The following PCSK5 variants were observed in gnomAD, a reference collection of about 807,000 sequenced individuals.
PCSK5 encodes prohormone convertase 5.
In PCSK5, 129 loss-of-function variants were observed where a neutral mutation model predicts 233.2. The observed-to-expected ratio is 0.55, with a 90% CI of 0.48 to 0.64. The LOEUF (loss-of-function observed/expected upper bound fraction) is 0.64, where lower values mean the gene tolerates loss of function less well. PCSK5 is among the 30% of genes least tolerant of loss of function. The probability of loss-of-function intolerance (pLI) is 0.00; values close to 1 mark genes in which losing one functional copy is unlikely to be tolerated. For synonymous variants in PCSK5, 825 were observed against 879.2 expected, an observed-to-expected ratio of 0.94 and a Z score of 1.09; for missense variants, 2,076 against 2,430.1, an observed-to-expected ratio of 0.85 and a Z score of 3.06.
intron 10 of PCSK5, among the ~76,000 whole-genome samples, chr9:76,151,340 C>T (rs1484379697): frequency 6.6e-6 from 1 of 152,196 alleles, no homozygotes; most frequent in African/African-American, 2.4e-5. Context: ...ACCTTTTATT[C>T]TGGTGGTTTA....
intron 5 of PCSK5, among the ~76,000 whole-genome samples, chr9:76,061,782 T>C (rs1830038354): frequency 6.6e-6 from 1 of 152,190 alleles, no homozygotes; most frequent in South Asian, 2.1e-4. Context: ...GTAATAGATA[T>C]CCCAATTACA....
At chr9:76,265,639 C>T (rs948133809) in intron 24 of PCSK5, among the ~76,000 whole-genome samples, 2 of 152,040 alleles carry the variant, frequency 1.3e-5, no homozygotes, top group African/African-American at 4.8e-5. Context: ...TTGAAACTTT[C>T]TGAAGAATGA....
intron 7 of PCSK5, among the ~76,000 whole-genome samples, chr9:76,091,188 T>C (rs1286089322): frequency 1.3e-5 from 2 of 152,294 alleles, no homozygotes; most frequent in East Asian, 1.9e-4. Flanking sequence ...TATTTTCTTA[T>C]AGTTCTGGAG....
At chr9:75,986,820 C>A (rs926990687) in intron 3 of PCSK5, among the ~76,000 whole-genome samples, 1 of 152,182 alleles carries the variant, frequency 6.6e-6, no homozygotes, top group Admixed American at 6.5e-5. Context: ...AGGAAACCTA[C>A]TTAACATGTT....
rs1035660912 is a variant in PCSK5 at position 75,916,576 on chromosome 9, C to T, written c.193-15803C>T. On this transcript the variant is annotated intron_variant, in intron 1 of 37. Transcript: ENST00000674117. ...GATATTTGAGCTAAGATCCAAAAAA[C>T]GAGAAGGAAGTAAGAGGCAAGAGAT... 1.1e-4 allele frequency among the ~76,000 whole-genome samples: 17 copies of T among 151,780 alleles called. 1 individual carries two copies. Among genetic ancestry groups the T allele is most frequent in the Admixed American group, 9.2e-4 (14 of 15,246 alleles).
intron 2 of PCSK5, among the ~76,000 whole-genome samples, chr9:75,934,337 G>C (rs769837676): frequency 2.8e-4 from 42 of 152,298 alleles, no homozygotes; most frequent in Middle Eastern, 6.8e-3. Flanking sequence ...TGCAGAGAGA[G>C]AGCCACAAAT....
chr9:76,233,577 C>A lies in PCSK5; in HGVS notation c.2847C>A (p.His949Gln), dbSNP rs748263945. 5.0e-6 allele frequency: 8 copies of A among 1,610,778 alleles called. No individual in the cohort carries two copies. Among genetic ancestry groups the A allele is most frequent in the Non-Finnish European group, 6.8e-6 (8 of 1,179,778 alleles). The change falls in exon 22 of 38, where the codon CAC (histidine) becomes CAA (glutamine). Residue 949 changes from histidine to glutamine, a missense_variant. Coordinates refer to ENST00000674117, the MANE Select transcript of PCSK5 (RefSeq NM_001372043.1). ...GATGCCAAGGAAGTGGCCCTACCCA[C>A]TGCACCTCCTGTGGAGCAGGTGAGA... Reference protein sequence around the residue: ...CQRCQGSGPTHCTSCGADNYG... With the variant: ...CQRCQGSGPTQCTSCGADNYG...
At chr9:75,947,026 A>G (rs1824607406) in intron 2 of PCSK5, among the ~76,000 whole-genome samples, 1 of 152,220 alleles carries the variant, frequency 6.6e-6, no homozygotes, top group Non-Finnish European at 1.5e-5. Context: ...CTATTCAGCT[A>G]TGCATATAAT....
intron 28 of PCSK5, among the ~76,000 whole-genome samples, chr9:76,304,497 T>A (rs1828715318): frequency 6.6e-6 from 1 of 152,168 alleles, no homozygotes. Flanking sequence ...CAGGAGAGAA[T>A]CAACAGGAAG....
intron 2 of PCSK5, among the ~76,000 whole-genome samples, chr9:75,953,686 A>G (rs1447485363): frequency 6.6e-6 from 1 of 152,006 alleles, no homozygotes; most frequent in Non-Finnish European, 1.5e-5. Context: ...GCAGATTTAC[A>G]GTAGAGTTAG....
chr9:76,112,534 A>G (rs1832264077), intron 9 of PCSK5, among the ~76,000 whole-genome samples: 1 of 152,146 alleles, frequency 6.6e-6, no homozygotes, highest in Non-Finnish European at 1.5e-5. Flanking sequence ...AGGTAGGCTC[A>G]CCTACTTTCT....
intron 24 of PCSK5, among the ~76,000 whole-genome samples, chr9:76,282,147 T>TTC (rs1827894461): frequency 5.2e-5 from 7 of 135,294 alleles, no homozygotes; most frequent in South Asian, 2.4e-4. Flanking sequence ...TTTTTTTTTT[T>TTC]CGCTCTGTTG....
At chr9:76,145,084 CG>C (rs1237337351) in intron 10 of PCSK5, among the ~76,000 whole-genome samples, 5 of 152,118 alleles carry the variant, frequency 3.3e-5, no homozygotes, top group Middle Eastern at 3.4e-3. Context: ...AAGATTGTGC[CG>C]CTGCACTCCA....
At chr9:76,110,585 A>G (rs1280786514) in intron 9 of PCSK5, among the ~76,000 whole-genome samples, 1 of 152,098 alleles carries the variant, frequency 6.6e-6, no homozygotes, top group East Asian at 1.9e-4. Context: ...AGTCCTAGCT[A>G]CTCAGGGGGC....
intron 18 of PCSK5, 33 bp downstream of exon 18, chr9:76,188,708 G>T: frequency 6.5e-7 from 1 of 1,530,768 alleles, no homozygotes; most frequent in Non-Finnish European, 9.0e-7. Flanking sequence ...TTATTCTCCC[G>T]GTTCTGGTTT....
chr9:76,161,444 C>CTTT lies in PCSK5; in HGVS notation c.1619+2284_1619+2286dup, dbSNP rs57216482. ...AGCTAGGGAAGGCCTTTATTTCTTGCTTTTTTTTTTTTTCTTTACCATTAT... is the reference window on the plus strand; with the variant it reads ...AGCTAGGGAAGGCCTTTATTTCTTGCTTTTTTTTTTTTTTTTCTTTACCATTAT... On this transcript the variant is annotated intron_variant, in intron 12 of 37. Transcript: ENST00000674117. 6.2e-4 allele frequency among the ~76,000 whole-genome samples: 91 copies of CTTT among 146,558 alleles called. 1 individual carries two copies. The highest frequency in any genetic ancestry group is 3.6e-3 in the Middle Eastern group (1 of 276).
chr9:76,347,076 A>ATTT (rs34762060), intron 35 of PCSK5, among the ~76,000 whole-genome samples: 34 of 148,698 alleles, frequency 2.3e-4, no homozygotes, highest in South Asian at 6.4e-4. Flanking sequence ...TATTTTTTCT[A>ATTT]TTTTTTTTTT....
chr9:76,073,555 C>A (rs959193848), intron 7 of PCSK5, among the ~76,000 whole-genome samples: 4 of 152,112 alleles, frequency 2.6e-5, no homozygotes, highest in Non-Finnish European at 5.9e-5. Context: ...TTGCTATGAT[C>A]TCTATGTTTT....
At chr9:76,233,999 G>A (rs190938311) in intron 22 of PCSK5, among the ~76,000 whole-genome samples, 5 of 152,124 alleles carry the variant, frequency 3.3e-5, no homozygotes, top group African/African-American at 7.2e-5. Context: ...GCCAGAGCTC[G>A]GCAGAGCAAG....
Sources: allele counts gnomAD v4.1 joint callset (sites outside exome capture counted in the v4.1 genomes callset), GRCh38; gene constraint gnomAD v4.1.1; transcripts MANE v1.5; gene names NCBI Gene and HGNC (gene_info 2026-07-23, HGNC 2026-07-21).